The following SH3BGRL variants were observed in gnomAD, a reference collection of about 807,000 sequenced individuals.
The protein encoded by SH3BGRL is SH3 domain binding glutamate rich protein like.
A neutral mutation model predicts 9.8 loss-of-function variants in SH3BGRL; 7 were observed. That is an observed-to-expected ratio of 0.72 (90% CI 0.41 to 1.35). The LOEUF (loss-of-function observed/expected upper bound fraction) is 1.35, where lower values mean the gene tolerates loss of function less well. SH3BGRL is among the 40% of genes most tolerant of loss of function. The pLI is 0.01. For synonymous variants in SH3BGRL, 36 were observed against 29.1 expected (o/e 1.24, Z -0.76); for missense variants, 73 against 84.4 (o/e 0.86, Z 0.53).
chrX:81,202,469 GGC>G, intron 1 of SH3BGRL: 2 of 991,114 alleles, frequency 2.0e-6, no homozygotes, highest in Non-Finnish European at 2.5e-6. Context: ...GACGTTGGGG[GGC>G]ACATTTCTGC....
intron 1 of SH3BGRL, among the ~76,000 whole-genome samples, chrX:81,268,432 T>C (rs779963225): frequency 1.7e-3 from 196 of 112,081 alleles, no homozygotes; most frequent in African/African-American, 6.2e-3. Context: ...TTTGTTCTCC[T>C]TGGTTTCAAA....
chrX:81,234,600 A>T (rs778982757), intron 1 of SH3BGRL, among the ~76,000 whole-genome samples: 1 of 112,157 alleles, frequency 8.9e-6, no homozygotes, highest in Non-Finnish European at 1.9e-5. Flanking sequence ...GAACAGCAAG[A>T]TAACTTATGG....
At chrX:81,287,956 G>GGAAAGAAAGAAA (rs368182440) in intron 3 of SH3BGRL, among the ~76,000 whole-genome samples, 2 of 86,759 alleles carry the variant, frequency 2.3e-5, no homozygotes, top group Admixed American at 2.6e-4. Context: ...AAGGAAGGAA[G>GGAAAGAAAGAAA]GAAAGAAAGA....
intron 1 of SH3BGRL, among the ~76,000 whole-genome samples, chrX:81,272,437 C>T (rs1434616142): frequency 9.0e-6 from 1 of 110,528 alleles, no homozygotes; most frequent in Admixed American, 9.6e-5. Flanking sequence ...TCATCCACTC[C>T]ACTGTTAAAT....
chrX:81,278,824 C>A (rs754123631), intron 3 of SH3BGRL, among the ~76,000 whole-genome samples: 5 of 112,049 alleles, frequency 4.5e-5, no homozygotes, highest in Non-Finnish European at 9.4e-5. Context: ...GTCATCCATT[C>A]AAGTTAATTA....
chrX:81,221,078 T>C (rs1194150070), intron 1 of SH3BGRL, among the ~76,000 whole-genome samples: 3 of 111,738 alleles, frequency 2.7e-5, no homozygotes, highest in Non-Finnish European at 5.7e-5. Flanking sequence ...AGGAGAAGAA[T>C]GTGTATTCTG....
chrX:81,237,174 C>G (rs1194030207), intron 1 of SH3BGRL: 1 of 496,912 alleles, frequency 2.0e-6, no homozygotes, highest in Admixed American at 3.1e-5. Flanking sequence ...CCCCTTCACA[C>G]GAACACCAAT....
At chrX:81,245,357 T>G (rs1328325502) in intron 1 of SH3BGRL, among the ~76,000 whole-genome samples, 1 of 111,704 alleles carries the variant, frequency 9.0e-6, no homozygotes. Context: ...GACTTTTATG[T>G]GAAAGTGTAT....
At chrX:81,250,474 A>G (rs2075706186) in intron 1 of SH3BGRL, among the ~76,000 whole-genome samples, 2 of 111,337 alleles carry the variant, frequency 1.8e-5, no homozygotes, top group Admixed American at 1.9e-4. Flanking sequence ...ATAGGTGATT[A>G]TTTCCCTTCC....
intron 1 of SH3BGRL, among the ~76,000 whole-genome samples, chrX:81,232,339 A>G (rs746810189): frequency 9.1e-6 from 1 of 110,088 alleles, no homozygotes; most frequent in Non-Finnish European, 1.9e-5. Context: ...TGAAGTTCTC[A>G]ATGTAGATCT....
At chrX:81,240,448 C>T (rs1359028998) in intron 1 of SH3BGRL, among the ~76,000 whole-genome samples, 1 of 112,052 alleles carries the variant, frequency 8.9e-6, no homozygotes, top group Non-Finnish European at 1.9e-5. Context: ...ATCCCATTTA[C>T]AATAGCCAGA....
At chrX:81,218,764 G>GAT (rs2075589993) in intron 1 of SH3BGRL, among the ~76,000 whole-genome samples, 1 of 97,475 alleles carries the variant, frequency 1.0e-5, no homozygotes, top group Admixed American at 1.2e-4. Flanking sequence ...TATAGATATA[G>GAT]ATATATATAC....
At chrX:81,283,044 T>A (rs2075822799) in intron 3 of SH3BGRL, among the ~76,000 whole-genome samples, 1 of 111,841 alleles carries the variant, frequency 8.9e-6, no homozygotes, top group East Asian at 2.8e-4. Context: ...TGAACACCTC[T>A]ATGCGCATAA....
chrX:81,208,106 C>CA (rs1007991826), intron 1 of SH3BGRL, among the ~76,000 whole-genome samples: 1 of 110,128 alleles, frequency 9.1e-6, no homozygotes, highest in African/African-American at 3.3e-5. Flanking sequence ...AATACAAAAA[C>CA]AAAAAAATAG....
intron 1 of SH3BGRL, among the ~76,000 whole-genome samples, chrX:81,243,682 A>G (rs1371691757): frequency 9.0e-6 from 1 of 110,904 alleles, no homozygotes; most frequent in Non-Finnish European, 1.9e-5. Flanking sequence ...GTCCCCCATA[A>G]ATATATATAC....
intron 1 of SH3BGRL, among the ~76,000 whole-genome samples, chrX:81,244,293 T>C (rs920115159): frequency 2.7e-5 from 3 of 111,877 alleles, no homozygotes; most frequent in Non-Finnish European, 3.8e-5. Flanking sequence ...TTCATGCAGT[T>C]GTCTCTGTCA....
chrX:81,261,348 T>C (rs1478051810), intron 1 of SH3BGRL, among the ~76,000 whole-genome samples: 1 of 111,654 alleles, frequency 9.0e-6, no homozygotes, highest in Non-Finnish European at 1.9e-5. Flanking sequence ...CTGCTATAGC[T>C]ATTATCACTT....
chrX:81,244,291 G>A (rs1371754113), intron 1 of SH3BGRL, among the ~76,000 whole-genome samples: 2 of 111,719 alleles, frequency 1.8e-5, no homozygotes, highest in East Asian at 2.8e-4. Flanking sequence ...TGTTCATGCA[G>A]TTGTCTCTGT....
intron 1 of SH3BGRL, among the ~76,000 whole-genome samples, chrX:81,261,528 A>G (rs891510525): frequency 1.8e-5 from 2 of 111,155 alleles, no homozygotes; most frequent in Non-Finnish European, 3.8e-5. Flanking sequence ...GGAGCCCATA[A>G]CATATGTGCG....
Sources: gnomAD v4.1 joint callset for allele counts (sites outside exome capture counted in the v4.1 genomes callset) on GRCh38, gnomAD v4.1.1 for gene constraint, MANE v1.5 for transcripts, NCBI Gene and HGNC (gene_info 2026-07-23, HGNC 2026-07-21) for gene names.